GPC6: variants seen among roughly 807,000 people sequenced by gnomAD.
GPC6 encodes the protein glypican-6.
A neutral mutation model predicts 55.2 loss-of-function variants in GPC6; 14 were observed. The ratio of observed to expected loss-of-function variants is 0.25; its 90% confidence interval spans 0.17 to 0.40. The LOEUF (loss-of-function observed/expected upper bound fraction) is 0.40, where lower values mean the gene tolerates loss of function less well. GPC6 is among the 10% of genes least tolerant of loss of function. The pLI is 1.00. For synonymous variants in GPC6, 278 were observed against 259.6 expected, an observed-to-expected ratio of 1.07 and a Z score of -0.68; for missense variants, 641 against 708.5, an observed-to-expected ratio of 0.90 and a Z score of 1.08.
At chr13:94,076,448 C>T (rs1594716985) in intron 4 of GPC6, among the ~76,000 whole-genome samples, 2 of 151,898 alleles carry the variant, frequency 1.3e-5, no homozygotes, top group African/African-American at 4.8e-5. Context: ...CTTCACTCTG[C>T]TCACTGTTTT....
chr13:93,296,886 G>A (rs1406485474), intron 1 of GPC6, among the ~76,000 whole-genome samples: 1 of 152,158 alleles, frequency 6.6e-6, no homozygotes, highest in Non-Finnish European at 1.5e-5. Context: ...GCCATCCAAA[G>A]TTATGAGGAG....
At chr13:93,556,935 A>G (rs2139452544) in intron 2 of GPC6, among the ~76,000 whole-genome samples, 1 of 152,208 alleles carries the variant, frequency 6.6e-6, no homozygotes, top group Non-Finnish European at 1.5e-5. Context: ...ATATTTTTTC[A>G]TAGCACACTT....
At chr13:93,622,458 G>T (rs78355136) in intron 2 of GPC6, among the ~76,000 whole-genome samples, 2,938 of 151,582 alleles carry the variant, frequency 0.019, 82 homozygotes, top group African/African-American at 0.067. Context: ...TTTCTCTGTA[G>T]GTTAAAGATA....
chr13:93,364,094 A>G (rs961443385), intron 1 of GPC6, among the ~76,000 whole-genome samples: 4 of 151,656 alleles, frequency 2.6e-5, no homozygotes, highest in African/African-American at 9.7e-5. Flanking sequence ...TTGCCTGTTC[A>G]CTCTGATGGT....
At chr13:93,568,214 C>T (rs1017226049) in intron 2 of GPC6, among the ~76,000 whole-genome samples, 3 of 152,172 alleles carry the variant, frequency 2.0e-5, no homozygotes, top group Non-Finnish European at 2.9e-5. Flanking sequence ...AGGCTGCCTA[C>T]ATTTTTTATT....
intron 8 of GPC6, among the ~76,000 whole-genome samples, chr13:94,402,391 G>A (rs568679404): frequency 1.3e-5 from 2 of 152,194 alleles, no homozygotes. Context: ...TGAGTCTGGG[G>A]TTCACACATT....
At chr13:93,472,715 G>A (rs756330135) in intron 1 of GPC6, among the ~76,000 whole-genome samples, 30 of 152,340 alleles carry the variant, frequency 2.0e-4, no homozygotes, top group Non-Finnish European at 3.5e-4. Flanking sequence ...TCTTTGCAAT[G>A]TGTTGAGAAA....
At chr13:94,364,354 T>C (rs1209745725) in intron 6 of GPC6, among the ~76,000 whole-genome samples, 1 of 152,152 alleles carries the variant, frequency 6.6e-6, no homozygotes, top group Non-Finnish European at 1.5e-5. Context: ...TGGTGCCCCA[T>C]GGGGTAAATT....
intron 4 of GPC6, among the ~76,000 whole-genome samples, chr13:94,207,398 C>T (rs1013118298): frequency 1.1e-4 from 17 of 152,130 alleles, no homozygotes; most frequent in African/African-American, 3.9e-4. Flanking sequence ...TAAATGTAAT[C>T]GTTCCCATTT....
chr13:94,389,551 A>C (rs576706155), intron 7 of GPC6, among the ~76,000 whole-genome samples: 1 of 152,302 alleles, frequency 6.6e-6, no homozygotes, highest in Admixed American at 6.5e-5. Context: ...CTTTTTTAGA[A>C]CATAGCCATG....
intron 6 of GPC6, among the ~76,000 whole-genome samples, chr13:94,379,910 G>C (rs1316997542): frequency 6.6e-6 from 1 of 152,194 alleles, no homozygotes; most frequent in Non-Finnish European, 1.5e-5. Context: ...GTGATCAGTA[G>C]TTAGAATCAT....
At chr13:93,382,115 A>G (rs1011620376) in intron 1 of GPC6, among the ~76,000 whole-genome samples, 2 of 152,176 alleles carry the variant, frequency 1.3e-5, no homozygotes, top group African/African-American at 4.8e-5. Context: ...GTACGAGATC[A>G]TCAGGTAGTT....
intron 3 of GPC6, among the ~76,000 whole-genome samples, chr13:93,953,292 T>C (rs553120429): frequency 6.6e-6 from 1 of 152,266 alleles, no homozygotes; most frequent in South Asian, 2.1e-4. Context: ...TCCTTCTTTG[T>C]ATGTTCCCCT....
chr13:93,396,421 G>C (rs1408890327), intron 1 of GPC6, among the ~76,000 whole-genome samples: 2 of 152,184 alleles, frequency 1.3e-5, no homozygotes, highest in East Asian at 3.9e-4. Context: ...AAATTAACCA[G>C]GCGTGGTGGC....
intron 4 of GPC6, among the ~76,000 whole-genome samples, chr13:94,134,466 T>A (rs543617148): frequency 7.9e-5 from 12 of 152,370 alleles, no homozygotes; most frequent in African/African-American, 2.6e-4. Flanking sequence ...GTCCCCCTCA[T>A]GCTAAATGCC....
chr13:93,493,063 T>C, intron 1 of GPC6, among the ~76,000 whole-genome samples: 1 of 88,456 alleles, frequency 1.1e-5, no homozygotes, highest in African/African-American at 4.5e-5. Flanking sequence ...GATTCCCTCT[T>C]TTTCTATTGA....
At chr13:94,142,896 G>A (rs1181463889) in intron 4 of GPC6, among the ~76,000 whole-genome samples, 4 of 150,700 alleles carry the variant, frequency 2.7e-5, no homozygotes, top group African/African-American at 7.3e-5. Context: ...TGGCACGATC[G>A]CGGCTTACAG....
chr13:93,431,584 A>G (rs1006174858), intron 1 of GPC6, among the ~76,000 whole-genome samples: 1 of 152,154 alleles, frequency 6.6e-6, no homozygotes, highest in Admixed American at 6.6e-5. Flanking sequence ...TTTAAAAAGC[A>G]CTTACAATTT....
intron 1 of GPC6, among the ~76,000 whole-genome samples, chr13:93,499,566 C>T (rs1476066763): frequency 6.6e-6 from 1 of 152,118 alleles, no homozygotes; most frequent in Non-Finnish European, 1.5e-5. Context: ...TAGGCAATGG[C>T]ATGGATTATA....
Sources: gnomAD v4.1 joint callset for allele counts (sites outside exome capture counted in the v4.1 genomes callset) on GRCh38, gnomAD v4.1.1 for gene constraint, MANE v1.5 for transcripts, NCBI Gene and HGNC (gene_info 2026-07-23, HGNC 2026-07-21) for gene names.